The following EPHB1 variants were observed in gnomAD, a reference collection of about 807,000 sequenced individuals.
The protein encoded by EPHB1 is EPH receptor B1.
EPHB1 carries 30 observed loss-of-function variants against 94.4 expected under a neutral mutation model. The observed-to-expected ratio is 0.32, with a 90% confidence interval of 0.24 to 0.43. EPHB1 has a LOEUF of 0.43. Among genes scored for constraint, EPHB1 ranks in the 20% least tolerant of loss-of-function variants. The probability of loss-of-function intolerance (pLI) is 1.00; values close to 1 mark genes in which losing one functional copy is unlikely to be tolerated. For synonymous variants in EPHB1, 522 were observed against 489.1 expected, an observed-to-expected ratio of 1.07 and a Z score of -0.89; for missense variants, 1,055 against 1,308.3, an observed-to-expected ratio of 0.81 and a Z score of 2.99.
At chr3:134,962,493 A>G (rs188776338) in intron 3 of EPHB1, among the ~76,000 whole-genome samples, 156 of 152,308 alleles carry the variant, frequency 1.0e-3, no homozygotes, top group African/African-American at 3.6e-3. Context: ...GGACAGGACA[A>G]GTGCAGGTGC....
intron 3 of EPHB1, among the ~76,000 whole-genome samples, chr3:135,062,289 C>T (rs1159110859): frequency 6.6e-6 from 1 of 152,190 alleles, no homozygotes; most frequent in African/African-American, 2.4e-5. Flanking sequence ...AGTGGCTGTA[C>T]TAGTTTACAT....
intron 3 of EPHB1, among the ~76,000 whole-genome samples, chr3:135,075,894 C>G (rs1937894357): frequency 6.6e-6 from 1 of 152,184 alleles, no homozygotes; most frequent in Non-Finnish European, 1.5e-5. Context: ...TTAGCCCTTT[C>G]TCCTATTTGA....
At chr3:135,214,182 A>T (rs1204363627) in intron 12 of EPHB1, among the ~76,000 whole-genome samples, 1 of 152,104 alleles carries the variant, frequency 6.6e-6, no homozygotes, top group Non-Finnish European at 1.5e-5. Context: ...TGCAAACAGA[A>T]CCATTCCTTG....
At chr3:135,055,478 T>A (rs549033825) in intron 3 of EPHB1, among the ~76,000 whole-genome samples, 1 of 152,228 alleles carries the variant, frequency 6.6e-6, no homozygotes, top group East Asian at 1.9e-4. Context: ...AACACCAAGG[T>A]ACAGGAAGAT....
intron 3 of EPHB1, among the ~76,000 whole-genome samples, chr3:135,101,711 G>A (rs1274505623): frequency 6.6e-6 from 1 of 152,172 alleles, no homozygotes; most frequent in African/African-American, 2.4e-5. Context: ...ATTGTTTAAA[G>A]CATGAATTCT....
intron 5 of EPHB1, 93 bp downstream of exon 5, chr3:135,133,142 C>T (rs776557992): frequency 9.6e-6 from 12 of 1,255,584 alleles, no homozygotes; most frequent in African/African-American, 3.0e-5. Context: ...CCATCCTGCC[C>T]GTGTACTGTC....
At chr3:135,073,576 A>G (rs1937799555) in intron 3 of EPHB1, among the ~76,000 whole-genome samples, 1 of 152,208 alleles carries the variant, frequency 6.6e-6, no homozygotes, top group Non-Finnish European at 1.5e-5. Context: ...CCGTAATACC[A>G]TTATCACATC....
intron 3 of EPHB1, among the ~76,000 whole-genome samples, chr3:135,054,596 G>A (rs762686003): frequency 6.6e-6 from 1 of 152,142 alleles, no homozygotes; most frequent in Non-Finnish European, 1.5e-5. Flanking sequence ...ATCAATAGCC[G>A]TGCTTATCTG....
At chr3:135,002,035 G>A (rs985030612) in intron 3 of EPHB1, among the ~76,000 whole-genome samples, 1 of 152,168 alleles carries the variant, frequency 6.6e-6, no homozygotes, top group African/African-American at 2.4e-5. Context: ...TCTTCATCAA[G>A]AGATGAATCG....
intron 1 of EPHB1, among the ~76,000 whole-genome samples, chr3:134,919,665 C>G (rs1395442953): frequency 6.6e-6 from 1 of 152,176 alleles, no homozygotes. Context: ...TAGGGCTGGC[C>G]TGCCCAGCCA....
At chr3:135,251,137 A>G (rs571483116) in intron 15 of EPHB1, among the ~76,000 whole-genome samples, 1 of 152,202 alleles carries the variant, frequency 6.6e-6, no homozygotes, top group South Asian at 2.1e-4. Flanking sequence ...TCCACTGAAC[A>G]TCAGAATACA....
chr3:135,140,947 A>G (rs1469508259), intron 5 of EPHB1, among the ~76,000 whole-genome samples: 1 of 152,210 alleles, frequency 6.6e-6, no homozygotes, highest in East Asian at 1.9e-4. Flanking sequence ...GATGTGAAAG[A>G]TGGAGGAAAA....
At chr3:134,949,110 G>A (rs958955684) in intron 2 of EPHB1, among the ~76,000 whole-genome samples, 1 of 152,114 alleles carries the variant, frequency 6.6e-6, no homozygotes, top group Non-Finnish European at 1.5e-5. Flanking sequence ...AAGGTGGAGC[G>A]CTGGGTGATA....
At chr3:135,230,834 C>T (rs915176170) in intron 12 of EPHB1, among the ~76,000 whole-genome samples, 4 of 152,182 alleles carry the variant, frequency 2.6e-5, no homozygotes. Context: ...GTTTTCTGCT[C>T]CTGCACTAAT....
At position 135,249,472 on chromosome 3, in the gene EPHB1, G is replaced by A; in HGVS notation, c.2827G>A (p.Val943Ile). Residue 943 changes from valine (V) to isoleucine (I), a missense_variant, in exon 15 of 16, where the codon GTC becomes ATC. Coordinates refer to ENST00000398015, the MANE Select transcript of EPHB1 (RefSeq NM_004441.5). ...LTAGFTSLQLVTQMTSEDLLR... is the reference protein window; with the variant it reads ...LTAGFTSLQLITQMTSEDLLR... ...TGCTGGCTTCACCTCCCTCCAGCTG[G>A]TCACCCAGATGACATCAGAGTAAGT... 6.2e-7 allele frequency: 1 copy of A among 1,613,822 alleles called. No homozygotes were observed. The highest frequency in any genetic ancestry group is 8.5e-7 in the Non-Finnish European group (1 of 1,179,792).
chr3:134,883,125 C>T (rs1308019173), intron 1 of EPHB1, among the ~76,000 whole-genome samples: 11 of 152,116 alleles, frequency 7.2e-5, no homozygotes, highest in Non-Finnish European at 2.9e-5. Context: ...CCCAGCTTTG[C>T]AATTAAGCTT....
At chr3:135,044,306 G>A (rs548854945) in intron 3 of EPHB1, among the ~76,000 whole-genome samples, 86 of 152,316 alleles carry the variant, frequency 5.6e-4, no homozygotes, top group African/African-American at 2.0e-3. Flanking sequence ...GGGTTTGCAA[G>A]TGTCGCCAAG....
rs530134413 is a variant in EPHB1 at position 135,069,188 on chromosome 3, C to T, written c.806-37260C>T. On this transcript the variant is annotated intron_variant, in intron 3 of 15. Coordinates refer to ENST00000398015, the MANE Select transcript of EPHB1 (RefSeq NM_004441.5). ...TTTTAAATTTTTTTTATAGTTTTAG[C>T]TTTTTTCATTTAGCTCTTTTATCCA... Among the ~76,000 whole-genome samples the T allele has an allele frequency of 2.0e-5, 3 of 151,492 alleles. No homozygotes were observed. In the East Asian group the frequency reaches 5.9e-4, roughly 30 times the overall value.
chr3:134,802,447 C>A (rs899894228), intron 1 of EPHB1, among the ~76,000 whole-genome samples: 1 of 151,964 alleles, frequency 6.6e-6, no homozygotes, highest in Non-Finnish European at 1.5e-5. Context: ...CATGGATCCT[C>A]ATAGCCTGTC....
Sources: allele counts gnomAD v4.1 joint callset (sites outside exome capture counted in the v4.1 genomes callset), GRCh38; gene constraint gnomAD v4.1.1; transcripts MANE v1.5; gene names NCBI Gene and HGNC (gene_info 2026-07-23, HGNC 2026-07-21).